Variants in DNAH1 observed in about 807,000 individuals in gnomAD.
The protein encoded by DNAH1 is dynein axonemal heavy chain 1, also known as axonemal beta dynein heavy chain 1.
A neutral mutation model predicts 484.3 loss-of-function variants in DNAH1; 327 were observed. The observed-to-expected ratio is 0.68, with a 90% CI of 0.62 to 0.74. The LOEUF (loss-of-function observed/expected upper bound fraction) is 0.74, where lower values mean the gene tolerates loss of function less well. Among genes scored for constraint, DNAH1 ranks in the 30% least tolerant of loss-of-function variants. The probability of loss-of-function intolerance (pLI) is 0.00; values close to 1 mark genes in which losing one functional copy is unlikely to be tolerated. For missense variants in DNAH1, 5,052 were observed against 5,546.8 expected, an observed-to-expected ratio of 0.91 and a Z score of 2.83; for synonymous variants, 2,192 against 2,191.9, an observed-to-expected ratio of 1.00 and a Z score of 0.00.
Position 52,358,445 on chromosome 3 carries a change from G to A in DNAH1, c.4087-113G>A. ...AGACTCTCGGGGGGACGGGAAGGCA[G>A]GGCTTTCTTCTTGAGGTGGAGGGCA... On this transcript the variant is annotated intron_variant, in intron 24 of 77. Transcript: ENST00000420323. The surrounding 1 kb of genome is among the most constrained non-coding windows in gnomAD (Gnocchi z 4.2). 1 of 1,170,318 alleles carries A rather than the reference G, an allele frequency of 8.5e-7. No individual in the cohort carries two copies. Among genetic ancestry groups the A allele is most frequent in the Non-Finnish European group, 1.2e-6 (1 of 849,856 alleles). 72.5% of individuals were successfully genotyped at this position (1,170,318 alleles called of 1,614,324 possible).
intron 35 of DNAH1, 72 bp downstream of exon 35, chr3:52,366,620 T>C: frequency 6.4e-7 from 1 of 1,552,288 alleles, no homozygotes; most frequent in Non-Finnish European, 8.7e-7. Flanking sequence ...TCAACAGGGG[T>C]TGGCCTCCAT....
In DNAH1 at chr3:52,353,093, G is replaced by A. The variant is rs1211784427; in HGVS notation, c.3028-10G>A. ...AAGACAGCCCCAGCCCTGCCCTCCT[G>A]TCCCTGCAGTATGACAAGCTCTCCA... is the stretch of plus-strand genomic sequence containing the variant. On this transcript the variant is annotated splice_polypyrimidine_tract_variant and intron_variant, in intron 18 of 77. Coordinates refer to ENST00000420323, the MANE Select transcript of DNAH1 (RefSeq NM_015512.5). The surrounding 1 kb of genome is among the most constrained non-coding windows in gnomAD (Gnocchi z 5.0). 6.2e-7 allele frequency: 1 copy of A among 1,609,710 alleles called. No homozygotes were observed. The highest frequency in any genetic ancestry group is 8.5e-7 in the Non-Finnish European group (1 of 1,177,366).
At chr3:52,388,388 C>A (rs764490571) in intron 57 of DNAH1, 30 bp from the exon 58 acceptor site, 2 of 1,602,170 alleles carry the variant, frequency 1.2e-6, no homozygotes, top group Non-Finnish European at 1.7e-6. Context: ...GGGTACTTGG[C>A]GAGCTAATCC....
At chr3:52,346,816 G>A (rs1381067763) in intron 11 of DNAH1, 46 bp downstream of exon 11, 2 of 1,554,224 alleles carry the variant, frequency 1.3e-6, no homozygotes, top group Non-Finnish European at 1.7e-6. Context: ...CAGGTGATGT[G>A]TCACCTGCTG....
In DNAH1 at chr3:52,322,403, TC is replaced by T. The variant is rs1701179999; in HGVS notation, c.-34-4del. ...AGGGCTGACTGACGCTGGGTTCTTC[TC>T]CTAGGAGCTTCGGCTGGGGCATCTC... is the stretch of plus-strand genomic sequence containing the variant. On this transcript the variant is annotated splice_region_variant and splice_polypyrimidine_tract_variant and intron_variant, in intron 1 of 77. Coordinates refer to ENST00000420323, the MANE Select transcript of DNAH1 (RefSeq NM_015512.5). The T allele has an allele frequency of 6.3e-7, 1 of 1,575,932 alleles. No homozygotes were observed. Among genetic ancestry groups the T allele is most frequent in the Non-Finnish European group, 8.6e-7 (1 of 1,166,606 alleles).
Position 52,366,810 on chromosome 3 carries a change from C to G in DNAH1, c.5688C>G (p.Val1896=), listed in dbSNP as rs566001248. 6.8e-6 allele frequency: 11 copies of G among 1,613,960 alleles called. No homozygotes were observed. Among genetic ancestry groups the G allele is most frequent in the East Asian group, 4.5e-5 (2 of 44,882 alleles). ...TCAGTGGTGGCATGTACGAGGCTGT[C>G]AACTACTACGTGCTCAACCCCAAGT... ...PSISGGMYEA[V]NYYVLNPKSI... The change falls in exon 36 of 78, where the codon GTC becomes GTG. Residue 1896 remains valine (V), a synonymous_variant. Transcript: ENST00000420323.
At position 52,395,583 on chromosome 3, in the gene DNAH1, G is replaced by A; in HGVS notation, c.11164G>A (p.Glu3722Lys). 2 of 1,613,852 alleles carry A rather than the reference G, an allele frequency of 1.2e-6. No homozygotes were observed. The highest frequency in any genetic ancestry group is 1.7e-6 in the Non-Finnish European group (2 of 1,179,898). The change falls in exon 70 of 78, where the codon GAG becomes AAG. Residue 3722 changes from glutamate to lysine, a missense_variant. Transcript: ENST00000420323. The surrounding 1 kb of genome is among the most constrained non-coding windows in gnomAD (Gnocchi z 4.4). ...AGAAGCCATGATGCGCAGCTCCATA[G>A]AGAGGGGCAAATGGGTCTTCTTCCA... Reference protein sequence around the residue: ...RAEAMMRSSIERGKWVFFQNC... With the variant: ...RAEAMMRSSIKRGKWVFFQNC...
At chr3:52,359,802 C>G in intron 26 of DNAH1, 114 bp from the exon 27 acceptor site, 2 of 1,401,282 alleles carry the variant, frequency 1.4e-6, no homozygotes, top group South Asian at 1.3e-5. Context: ...CTCAGACCAT[C>G]AGAGACCCCC....
intron 1 of DNAH1, among the ~76,000 whole-genome samples, chr3:52,322,205 C>G (rs1212906801): frequency 6.6e-6 from 1 of 152,116 alleles, no homozygotes; most frequent in East Asian, 1.9e-4. Context: ...GTGTCCAGGG[C>G]AGGCCCCACC....
At chr3:52,331,403 A>T (rs1701545477) in intron 7 of DNAH1, 94 bp downstream of exon 7, 1 of 1,389,508 alleles carries the variant, frequency 7.2e-7, no homozygotes, top group Admixed American at 2.6e-5. Context: ...CTGCCAGATC[A>T]GGTCTGAATT....
rs1478272747 is a variant in DNAH1 at position 52,345,668 on chromosome 3, G to A, written c.1618G>A (p.Glu540Lys). The change falls in exon 10 of 78, where the codon GAG becomes AAG. Residue 540 changes from glutamate to lysine, a missense_variant. Coordinates refer to ENST00000420323, the MANE Select transcript of DNAH1 (RefSeq NM_015512.5). ...GAGCCTCTCCAAGTACAGCCACCTG[G>A]AGGAATTTGAGCAGATCCAGTCACA... is the stretch of plus-strand genomic sequence containing the variant. ...HSSLSKYSHL[E>K]EFEQIQSQTF... is the part of the protein sequence containing the mutation. 1.2e-6 allele frequency: 2 copies of A among 1,613,262 alleles called. No individual in the cohort carries two copies. Among genetic ancestry groups the A allele is most frequent in the Non-Finnish European group, 8.5e-7 (1 of 1,179,570 alleles).
At chr3:52,348,259 ATAGT>A (rs1339735915) in intron 12 of DNAH1, among the ~76,000 whole-genome samples, 1 of 152,174 alleles carries the variant, frequency 6.6e-6, no homozygotes, top group Non-Finnish European at 1.5e-5. Context: ...GAGAAGTGTA[ATAGT>A]TAGCCTAAGA....
chr3:52,344,530 C>T lies in DNAH1; in HGVS notation c.1327C>T (p.Leu443=). The T allele has an allele frequency of 6.2e-7, 1 of 1,614,002 alleles. No individual in the cohort carries two copies. The highest frequency in any genetic ancestry group is 8.5e-7 in the Non-Finnish European group (1 of 1,179,860). The change falls in exon 9 of 78, where the codon CTG becomes TTG. Residue 443 remains leucine (L), a synonymous_variant. Transcript: ENST00000420323. The part of the protein sequence containing the change: ...HLSSLAREVS[L]DYERSMNKIN... Reference sequence around the variant, plus strand: ...CAGCAGTCTTGCCAGAGAAGTGAGCCTGGACTATGAGCGCAGCATGAACAA... The same window carrying T: ...CAGCAGTCTTGCCAGAGAAGTGAGCTTGGACTATGAGCGCAGCATGAACAA...
At position 52,345,612 on chromosome 3, in the gene DNAH1, A is replaced by G. The variant is rs1702109837; in HGVS notation, c.1562A>G (p.Asn521Ser). 5 of 1,608,380 alleles carry G rather than the reference A, an allele frequency of 3.1e-6. No individual in the cohort carries two copies. Among genetic ancestry groups the G allele is most frequent in the South Asian group, 1.1e-5 (1 of 89,996 alleles). Reference protein sequence around the residue: ...TALSKVRAECNKVTAMSLFHS... With the variant: ...TALSKVRAECSKVTAMSLFHS... ...CTCAGCAAGGTGAGGGCCGAGTGCA[A>G]CAAGGTGACCGCCATGTCCCTGTTC... The change falls in exon 10 of 78, where the codon AAC (asparagine) becomes AGC (serine). Residue 521 changes from asparagine (N) to serine (S), a missense_variant. Around this residue, in one of 4 missense-constraint regions of DNAH1, gnomAD observed 1,263 missense variants for 1,218.8 expected, o/e 1.04. Transcript: ENST00000420323.
chr3:52,374,757 A>G (rs759594765), intron 44 of DNAH1: 56 of 1,165,174 alleles, frequency 4.8e-5, no homozygotes, highest in Non-Finnish European at 6.7e-5. Flanking sequence ...GTTCATAGAG[A>G]TGGAACAAAA....
intron 8 of DNAH1, among the ~76,000 whole-genome samples, chr3:52,338,089 C>G (rs1246569699): frequency 2.0e-5 from 3 of 152,130 alleles, no homozygotes; most frequent in Non-Finnish European, 4.4e-5. Flanking sequence ...TCACCATGCT[C>G]AGCTCTACTT....
intron 8 of DNAH1, among the ~76,000 whole-genome samples, chr3:52,340,422 T>TTATG (rs1438162091): frequency 6.6e-6 from 1 of 150,926 alleles, no homozygotes; most frequent in African/African-American, 2.4e-5. Flanking sequence ...ATTTATTTAT[T>TTATG]TATTTATTTA....
intron 49 of DNAH1, 122 bp from the exon 50 acceptor site, chr3:52,382,198 T>G: frequency 6.6e-7 from 1 of 1,519,580 alleles, no homozygotes; most frequent in Non-Finnish European, 9.0e-7. Flanking sequence ...CTGAAGGGTC[T>G]GCAGGTCTGC....
upstream of DNAH1, among the ~76,000 whole-genome samples, chr3:52,315,057 T>C (rs1700903295): frequency 6.6e-6 from 1 of 152,146 alleles, no homozygotes; most frequent in Admixed American, 6.5e-5. Context: ...AAGAAATGAT[T>C]ATGCTGGTCA....
Sources: allele counts gnomAD v4.1 joint callset (sites outside exome capture counted in the v4.1 genomes callset), GRCh38; gene constraint gnomAD v4.1.1; regional missense constraint gnomAD v4.1.1; non-coding constraint Gnocchi (gnomAD v3.1); transcripts MANE v1.5; gene names NCBI Gene and HGNC (gene_info 2026-07-23, HGNC 2026-07-21).